S1PR4: variants seen among roughly 807,000 people sequenced by gnomAD.
S1PR4 encodes sphingosine-1-phosphate receptor 4, also known as sphingosine 1-phosphate receptor 4.
Under a neutral mutation model 0.4 loss-of-function variants are expected in S1PR4, and 1 was observed. The ratio of observed to expected loss-of-function variants is 2.48; its 90% CI spans 0.88 to 11.76. The LOEUF (loss-of-function observed/expected upper bound fraction) is 11.76. Among genes scored for constraint, S1PR4 ranks in the 30% most tolerant of loss-of-function variants. The pLI, the probability that S1PR4 is intolerant of heterozygous loss-of-function variation, is 0.12. For synonymous variants in S1PR4, 296 were observed against 266.7 expected (o/e 1.11, Z -1.07); for missense variants, 595 against 557.8 (o/e 1.07, Z -0.67).
In S1PR4 at chr19:3,179,731, G is replaced by A. The variant is rs749189633; in HGVS notation, c.939G>A (p.Glu313=). The stretch of plus-strand genomic sequence containing the variant: ...TCATCTACTCCTTCCGCAGCAGGGA[G>A]GTGTGCAGAGCCGTGCTCAGCTTCC... ...NPIIYSFRSR[E]VCRAVLSFLC... The change falls in exon 1 of 1, where the codon GAG becomes GAA. Residue 313 remains glutamate (E), a synonymous_variant. Coordinates refer to ENST00000246115, the MANE Select transcript of S1PR4 (RefSeq NM_003775.4). The A allele has an allele frequency of 2.5e-6, 4 of 1,612,932 alleles. No individual in the cohort carries two copies. In the African/African-American group the frequency reaches 4.0e-5, roughly 16 times the overall value.
Position 3,179,884 on chromosome 19 carries a change from CCGCT to C in S1PR4, c.1098_1101del (p.Leu367AlafsTer141). The C allele has an allele frequency of 6.5e-7, 1 of 1,530,760 alleles. No homozygotes were observed. Among genetic ancestry groups the C allele is most frequent in the East Asian group, 2.3e-5 (1 of 43,654 alleles). The allele number at this position is 1,530,760 out of a possible 1,614,324, so 94.8% of individuals were successfully genotyped here. On this transcript the variant is annotated frameshift_variant, in exon 1 of 1. Coordinates refer to ENST00000246115, the MANE Select transcript of S1PR4 (RefSeq NM_003775.4). LOFTEE classifies it high-confidence loss of function. ...GGCCAAGGGACAGCTTTCGCGGCTCCCGCTCGCTCAGCTTTCGGATGCGGGAGCC... is the reference window on the plus strand; with the variant it reads ...GGCCAAGGGACAGCTTTCGCGGCTCCCGCTCAGCTTTCGGATGCGGGAGCC...
Position 3,178,817 on chromosome 19 carries a change from G to T in S1PR4, c.25G>T (p.Ala9Ser). ...CATGAACGCCACGGGGACCCCGGTG[G>T]CCCCCGAGTCCTGCCAACAGCTGGC... MNATGTPV[A>S]PESCQQLAAG... Residue 9 changes from alanine to serine, a missense_variant, in exon 1 of 1, where the codon GCC becomes TCC. Physicochemically the swap from Ala to Ser is moderately conservative, Grantham distance 99. Transcript: ENST00000246115. 3.3e-6 allele frequency: 5 copies of T among 1,523,420 alleles called. No individual in the cohort carries two copies. The highest frequency in any genetic ancestry group is 4.4e-6 in the Non-Finnish European group (5 of 1,142,572). The allele number at this position is 1,523,420 out of a possible 1,614,324, so 94.4% of individuals were successfully genotyped here. A position where few individuals can be genotyped will look rare whatever the true frequency, so the allele number is the denominator to read the frequency against.
chr19:3,179,003 A>G lies in S1PR4; in HGVS notation c.211A>G (p.Ile71Val). The change falls in exon 1 of 1, where the codon ATC (isoleucine) becomes GTC (valine). Residue 71 changes from isoleucine to valine, a missense_variant. By Grantham distance (29) the Ile-to-Val change is conservative (BLOSUM62 3). Coordinates refer to ENST00000246115, the MANE Select transcript of S1PR4 (RefSeq NM_003775.4). ...VLENLLVLAA[I>V]TSHMRSRRWV... ...GGAGAACTTGCTGGTGCTGGCGGCC[A>G]TCACCAGCCACATGCGGTCGCGACG... is the stretch of plus-strand genomic sequence containing the variant. The G allele has an allele frequency of 6.3e-7, 1 of 1,590,386 alleles. No individual in the cohort carries two copies. Among genetic ancestry groups the G allele is most frequent in the Non-Finnish European group, 8.5e-7 (1 of 1,173,848 alleles).
At position 3,179,552 on chromosome 19, in the gene S1PR4, C is replaced by T; in HGVS notation, c.760C>T (p.Leu254=). ...GGCCCGCCGCCTGCTGAAGACGGTG[C>T]TGATGATCCTGCTGGCCTTCCTGGT... ...RKARRLLKTV[L]MILLAFLVCW... The change falls in exon 1 of 1, where the codon CTG becomes TTG. Residue 254 remains leucine (L), a synonymous_variant. Coordinates refer to ENST00000246115, the MANE Select transcript of S1PR4 (RefSeq NM_003775.4). The T allele has an allele frequency of 1.9e-6, 3 of 1,612,816 alleles. No individual in the cohort carries two copies. Among genetic ancestry groups the T allele is most frequent in the Non-Finnish European group, 2.5e-6 (3 of 1,179,808 alleles).
Position 3,180,157 on chromosome 19 carries a change from C to T in S1PR4, c.*210C>T, listed in dbSNP as rs1915521388. 2.1e-6 allele frequency: 1 copy of T among 469,702 alleles called. No individual in the cohort carries two copies. The highest frequency in any genetic ancestry group is 3.8e-6 in the Non-Finnish European group (1 of 261,776). The allele number at this position is 469,702 out of a possible 1,614,324, so 29.1% of individuals were successfully genotyped here. ...CTGGACAAGGAGGCAACCACCCCAC[C>T]TCCCCGTAGGAGCAGAGAGCACCCT... On this transcript the variant is annotated 3_prime_UTR_variant, in exon 1 of 1. Coordinates refer to ENST00000246115, the MANE Select transcript of S1PR4 (RefSeq NM_003775.4).
Position 3,180,079 on chromosome 19 carries a change from T to G in S1PR4, c.*132T>G. The G allele has an allele frequency of 1.2e-6, 1 of 860,316 alleles. No homozygotes were observed. The highest frequency in any genetic ancestry group is 1.7e-6 in the Non-Finnish European group (1 of 594,392). The allele number at this position is 860,316 out of a possible 1,614,324, so 53.3% of individuals were successfully genotyped here. A position where few individuals can be genotyped will look rare whatever the true frequency, so the allele number is the denominator to read the frequency against. On this transcript the variant is annotated 3_prime_UTR_variant, in exon 1 of 1. Coordinates refer to ENST00000246115, the MANE Select transcript of S1PR4 (RefSeq NM_003775.4). ...GGGAACGGGACAGGCCCCCATGGTC[T>G]TCCCGGTGGCCTCTCGGGGCTTCTG...
At position 3,180,118 on chromosome 19, in the gene S1PR4, T is replaced by C. The variant is rs1466169867; in HGVS notation, c.*171T>C. 1.8e-6 allele frequency: 1 copy of C among 558,838 alleles called. No homozygotes were observed. Among genetic ancestry groups the C allele is most frequent in the East Asian group, 3.4e-5 (1 of 29,560 alleles). 34.6% of individuals were successfully genotyped at this position (558,838 alleles called of 1,614,324 possible). A position where few individuals can be genotyped will look rare whatever the true frequency, so the allele number is the denominator to read the frequency against. On this transcript the variant is annotated 3_prime_UTR_variant, in exon 1 of 1. Coordinates refer to ENST00000246115, the MANE Select transcript of S1PR4 (RefSeq NM_003775.4). ...TCGGGGCTTCTGACGCCAAATGGGC[T>C]TCCCATGGTCACCCTGGACAAGGAG...
In S1PR4 at chr19:3,179,790, G is replaced by T. The variant is rs757142499; in HGVS notation, c.998G>T (p.Gly333Val). The change falls in exon 1 of 1, where the codon GGG becomes GTG. Residue 333 changes from glycine to valine, a missense_variant. Coordinates refer to ENST00000246115, the MANE Select transcript of S1PR4 (RefSeq NM_003775.4). Reference sequence around the variant, plus strand: ...GGGTGTCTCCGGCTGGGCATGCGAGGGCCCGGGGACTGCCTGGCCCGGGCC... The same window carrying T: ...GGGTGTCTCCGGCTGGGCATGCGAGTGCCCGGGGACTGCCTGGCCCGGGCC... ...CCGCLRLGMR[G>V]PGDCLARAVE... 4 of 1,605,944 alleles carry T rather than the reference G, an allele frequency of 2.5e-6. No homozygotes were observed. Among genetic ancestry groups the T allele is most frequent in the Non-Finnish European group, 8.5e-7 (1 of 1,176,494 alleles).
rs753792299 is a variant in S1PR4 at position 3,179,787 on chromosome 19, G to A, written c.995G>A (p.Arg332Gln). The A allele has an allele frequency of 3.7e-5, 60 of 1,606,782 alleles. No individual in the cohort carries two copies. Among genetic ancestry groups the A allele is most frequent in the East Asian group, 1.8e-4 (8 of 44,788 alleles). ...LCCGCLRLGMRGPGDCLARAV... is the reference protein window; with the variant it reads ...LCCGCLRLGMQGPGDCLARAV... ...TGCGGGTGTCTCCGGCTGGGCATGC[G>A]AGGGCCCGGGGACTGCCTGGCCCGG... is the stretch of plus-strand genomic sequence containing the variant. Residue 332 changes from arginine (R) to glutamine (Q), a missense_variant, in exon 1 of 1, where the codon CGA (arginine) becomes CAA (glutamine). Arg to Gln is a conservative substitution (Grantham distance 43). Transcript: ENST00000246115.
Position 3,179,682 on chromosome 19 carries a change from T to C in S1PR4, c.890T>C (p.Val297Ala), listed in dbSNP as rs775827200. The change falls in exon 1 of 1, where the codon GTC becomes GCC. Residue 297 changes from valine to alanine, a missense_variant. Val to Ala is a moderately conservative substitution (Grantham distance 64). Transcript: ENST00000246115. ...ATGGACTGGATCCTGGCCCTGGCCG[T>C]CCTCAACTCGGCGGTCAACCCCATC... ...RGMDWILALA[V>A]LNSAVNPIIY... 1 of 1,613,458 alleles carries C rather than the reference T, an allele frequency of 6.2e-7. No individual in the cohort carries two copies. The highest frequency in any genetic ancestry group is 8.5e-7 in the Non-Finnish European group (1 of 1,179,972).
Position 3,178,823 on chromosome 19 carries a change from G to T in S1PR4, c.31G>T (p.Glu11Ter). 2 of 1,531,400 alleles carry T rather than the reference G, an allele frequency of 1.3e-6. No individual in the cohort carries two copies. Among genetic ancestry groups the T allele is most frequent in the South Asian group, 1.2e-5 (1 of 83,364 alleles). 94.9% of individuals were successfully genotyped at this position (1,531,400 alleles called of 1,614,324 possible). Reference sequence around the variant, plus strand: ...CGCCACGGGGACCCCGGTGGCCCCCGAGTCCTGCCAACAGCTGGCGGCCGG... The same window carrying T: ...CGCCACGGGGACCCCGGTGGCCCCCTAGTCCTGCCAACAGCTGGCGGCCGG... Reference protein sequence around the residue: MNATGTPVAPESCQQLAAGGH... With the variant: MNATGTPVAP The change falls in exon 1 of 1, where the codon GAG becomes TAG. Residue 11 changes from glutamate (E) to a stop codon, truncating the protein, a stop_gained. Transcript: ENST00000246115. LOFTEE classifies it low-confidence loss of function (END_TRUNC).
chr19:3,178,943 G>A lies in S1PR4; in HGVS notation c.151G>A (p.Gly51Arg), dbSNP rs1350262981. The A allele has an allele frequency of 6.5e-7, 1 of 1,538,608 alleles. No individual in the cohort carries two copies. The highest frequency in any genetic ancestry group is 8.7e-7 in the Non-Finnish European group (1 of 1,148,472). Residue 51 changes from glycine (G) to arginine (R), a missense_variant, in exon 1 of 1, where the codon GGG (glycine) becomes AGG (arginine). Transcript: ENST00000246115. ...GGATGGCGGCCTGGGGGCCCTGCGG[G>A]GGCTGTCGGTGGCCGCCAGCTGCCT... ...PEDGGLGALR[G>R]LSVAASCLVV... is the part of the protein sequence containing the mutation.
At position 3,179,916 on chromosome 19, in the gene S1PR4, T is replaced by C; in HGVS notation, c.1124T>C (p.Leu375Pro). ...RSLSFRMREP[L>P]SSISSVRSI ...CTCAGCTTTCGGATGCGGGAGCCCC[T>C]GTCCAGCATCTCCAGCGTGCGGAGC... The change falls in exon 1 of 1, where the codon CTG (leucine) becomes CCG (proline). Residue 375 changes from leucine to proline, a missense_variant. Coordinates refer to ENST00000246115, the MANE Select transcript of S1PR4 (RefSeq NM_003775.4). 1.3e-6 allele frequency: 2 copies of C among 1,515,968 alleles called. No homozygotes were observed. Among genetic ancestry groups the C allele is most frequent in the Non-Finnish European group, 1.8e-6 (2 of 1,132,730 alleles). 93.9% of individuals were successfully genotyped at this position (1,515,968 alleles called of 1,614,324 possible).
Position 3,178,987 on chromosome 19 carries a change from G to T in S1PR4, c.195G>T (p.Leu65Phe). The part of the protein sequence containing the change: ...AASCLVVLEN[L>F]LVLAAITSHM... ...GCTGCCTGGTGGTGCTGGAGAACTTGCTGGTGCTGGCGGCCATCACCAGCC... is the reference window on the plus strand; with the variant it reads ...GCTGCCTGGTGGTGCTGGAGAACTTTCTGGTGCTGGCGGCCATCACCAGCC... The change falls in exon 1 of 1, where the codon TTG becomes TTT. Residue 65 changes from leucine (L) to phenylalanine (F), a missense_variant. Physicochemically the swap from Leu to Phe is conservative, Grantham distance 22 (BLOSUM62 0). Coordinates refer to ENST00000246115, the MANE Select transcript of S1PR4 (RefSeq NM_003775.4). 1.3e-6 allele frequency: 2 copies of T among 1,579,518 alleles called. No homozygotes were observed. The highest frequency in any genetic ancestry group is 1.7e-6 in the Non-Finnish European group (2 of 1,169,086).
chr19:3,179,562 T>C lies in S1PR4; in HGVS notation c.770T>C (p.Leu257Pro). ...RRLLKTVLMI[L>P]LAFLVCWGPL... The stretch of plus-strand genomic sequence containing the variant: ...CTGCTGAAGACGGTGCTGATGATCC[T>C]GCTGGCCTTCCTGGTGTGCTGGGGC... The change falls in exon 1 of 1, where the codon CTG becomes CCG. Residue 257 changes from leucine to proline, a missense_variant. Coordinates refer to ENST00000246115, the MANE Select transcript of S1PR4 (RefSeq NM_003775.4). 1.2e-6 allele frequency: 2 copies of C among 1,613,024 alleles called. No homozygotes were observed.
chr19:3,178,883 C>T lies in S1PR4; in HGVS notation c.91C>T (p.His31Tyr), dbSNP rs1915485285. The change falls in exon 1 of 1, where the codon CAC (histidine) becomes TAC (tyrosine). Residue 31 changes from histidine to tyrosine, a missense_variant. His to Tyr is a moderately conservative substitution (Grantham distance 83, BLOSUM62 2). Transcript: ENST00000246115. ...HSRLIVLHYN[H>Y]SGRLAGRGGP... ...CCGGCTCATTGTTCTGCACTACAACCACTCGGGCCGGCTGGCCGGGCGCGG... is the reference window on the plus strand; with the variant it reads ...CCGGCTCATTGTTCTGCACTACAACTACTCGGGCCGGCTGGCCGGGCGCGG... 1.3e-6 allele frequency: 2 copies of T among 1,534,714 alleles called. No individual in the cohort carries two copies. The highest frequency in any genetic ancestry group is 1.2e-5 in the South Asian group (1 of 83,946).
rs1251739831 is a variant in S1PR4 at position 3,179,636 on chromosome 19, G to A, written c.844G>A (p.Ala282Thr). Residue 282 changes from alanine (A) to threonine (T), a missense_variant, in exon 1 of 1, where the codon GCC (alanine) becomes ACC (threonine). By Grantham distance (58) the Ala-to-Thr change is moderately conservative. Transcript: ENST00000246115. Reference protein sequence around the residue: ...LADVFGSNLWAQEYLRGMDWI... With the variant: ...LADVFGSNLWTQEYLRGMDWI... ...CGACGTCTTTGGCTCCAACCTCTGG[G>A]CCCAGGAGTACCTGCGGGGCATGGA... 1.2e-6 allele frequency: 2 copies of A among 1,613,250 alleles called. No homozygotes were observed. The highest frequency in any genetic ancestry group is 1.7e-6 in the Non-Finnish European group (2 of 1,179,856).
At position 3,179,060 on chromosome 19, in the gene S1PR4, C is replaced by T. The variant is rs1255439286; in HGVS notation, c.268C>T (p.Leu90=). 1 of 1,609,414 alleles carries T rather than the reference C, an allele frequency of 6.2e-7. No individual in the cohort carries two copies. The highest frequency in any genetic ancestry group is 8.5e-7 in the Non-Finnish European group (1 of 1,179,696). The stretch of plus-strand genomic sequence containing the variant: ...CTACTATTGCCTGGTGAACATCACG[C>T]TGAGTGACCTGCTCACGGGCGCGGC... ...WVYYCLVNIT[L]SDLLTGAAYL... is the part of the protein sequence containing the mutation. The change falls in exon 1 of 1, where the codon CTG becomes TTG. Residue 90 remains leucine, a synonymous_variant. Coordinates refer to ENST00000246115, the MANE Select transcript of S1PR4 (RefSeq NM_003775.4).
Position 3,179,749 on chromosome 19 carries a change from C to G in S1PR4, c.957C>G (p.Leu319=), listed in dbSNP as rs963082455. Residue 319 remains leucine (L), a synonymous_variant, in exon 1 of 1, where the codon CTC becomes CTG. Transcript: ENST00000246115. The stretch of plus-strand genomic sequence containing the variant: ...GCAGGGAGGTGTGCAGAGCCGTGCT[C>G]AGCTTCCTCTGCTGCGGGTGTCTCC... ...FRSREVCRAV[L]SFLCCGCLRL... 6.2e-7 allele frequency: 1 copy of G among 1,612,248 alleles called. No individual in the cohort carries two copies. Among genetic ancestry groups the G allele is most frequent in the Non-Finnish European group, 8.5e-7 (1 of 1,179,744 alleles).
Sources: allele counts gnomAD v4.1 joint callset, GRCh38; gene constraint gnomAD v4.1.1; transcripts MANE v1.5; gene names NCBI Gene and HGNC (gene_info 2026-07-23, HGNC 2026-07-21).